NELFCD: variants seen among roughly 807,000 people sequenced by gnomAD.
The protein encoded by NELFCD is negative elongation factor complex member C/D.
A neutral mutation model predicts 72.9 loss-of-function variants in NELFCD; 48 were observed. The observed-to-expected ratio is 0.66, with a 90% confidence interval of 0.52 to 0.84. The LOEUF (loss-of-function observed/expected upper bound fraction) is 0.84. NELFCD is among the 40% of genes least tolerant of loss of function. The pLI is 0.00. For missense variants in NELFCD, 538 were observed against 723.8 expected (o/e 0.74, Z 2.94); for synonymous variants, 297 against 280.6 (o/e 1.06, Z -0.59).
chr20:58,982,092 CCT>C (rs957407579), intron 1 of NELFCD, among the ~76,000 whole-genome samples: 4 of 151,538 alleles, frequency 2.6e-5, no homozygotes, highest in African/African-American at 7.3e-5. Context: ...ACGTCCCTCC[CCT>C]GGAGACGGCC....
At position 58,987,748 on chromosome 20, in the gene NELFCD, C is replaced by T. The variant is rs1364518582; in HGVS notation, c.327C>T (p.His109=). The T allele has an allele frequency of 1.9e-6, 3 of 1,614,212 alleles. No homozygotes were observed. The South Asian group carries it at 3.3e-5, about 18-fold the overall frequency. ...PVQVQETVEN[H]LKSLLIKHFD... ...AGGTTCAGGAAACTGTGGAAAATCA[C>T]TTGAAGAGTTTGCTGATCAAACATT... Residue 109 remains histidine, a synonymous_variant, in exon 4 of 15, where the codon CAC becomes CAT. Coordinates refer to ENST00000652272, the MANE Select transcript of NELFCD (RefSeq NM_198976.4).
intron 10 of NELFCD, among the ~76,000 whole-genome samples, 193 bp downstream of exon 10, chr20:58,992,213 C>T (rs2091822604): frequency 6.6e-6 from 1 of 151,982 alleles, no homozygotes; most frequent in Admixed American, 6.6e-5. Flanking sequence ...GTTTATTTGC[C>T]AGAAGTCTGT....
rs760363849 is a variant in NELFCD at position 58,981,359 on chromosome 20, A to C, written c.50A>C (p.Asp17Ala). 9.0e-7 allele frequency: 1 copy of C among 1,107,182 alleles called. No homozygotes were observed. The highest frequency in any genetic ancestry group is 1.1e-6 in the Non-Finnish European group (1 of 904,366). 68.6% of individuals were successfully genotyped at this position (1,107,182 alleles called of 1,614,324 possible). A position where few individuals can be genotyped will look rare whatever the true frequency, so the allele number is the denominator to read the frequency against. ...GSAAEWGDEADGGQQEDDSGE... is the reference protein window; with the variant it reads ...GSAAEWGDEAAGGQQEDDSGE... ...GCGGCCGAGTGGGGCGACGAGGCTG[A>C]CGGCGGCCAGGTGAGGCGGGGCACT... is the stretch of plus-strand genomic sequence containing the variant. The change falls in exon 1 of 15, where the codon GAC becomes GCC. Residue 17 changes from aspartate (D) to alanine (A), a missense_variant. Transcript: ENST00000652272.
intron 1 of NELFCD, among the ~76,000 whole-genome samples, chr20:58,982,396 G>C (rs999759500): frequency 6.6e-6 from 1 of 152,024 alleles, no homozygotes; most frequent in Admixed American, 6.6e-5. Context: ...GACCTCAGGT[G>C]ATCCACCCAC....
Position 58,991,873 on chromosome 20 carries a change from G to T in NELFCD, c.1090-8G>T. On this transcript the variant is annotated splice_region_variant and splice_polypyrimidine_tract_variant and intron_variant, in intron 9 of 14. Transcript: ENST00000652272. ...GTCAGGCTCACCAGCTTGTGTGTGT[G>T]TTTTCAGAACAAGCGAGTGAGCATC... 3.7e-6 allele frequency: 6 copies of T among 1,613,646 alleles called. No homozygotes were observed. Among genetic ancestry groups the T allele is most frequent in the Non-Finnish European group, 5.1e-6 (6 of 1,179,630 alleles).
rs73297217 is a variant in NELFCD, at chr20:58,991,725, T to C, written c.1090-156T>C. On this transcript the variant is annotated intron_variant, in intron 9 of 14. Transcript: ENST00000652272. Reference sequence around the variant, plus strand: ...ACTAGTCTCATTGCTTTTCAGTTTCTGTACACTGTGTGACTGTGAAGTTTG... The same window carrying C: ...ACTAGTCTCATTGCTTTTCAGTTTCCGTACACTGTGTGACTGTGAAGTTTG... 6.5e-3 allele frequency: 5,532 copies of C among 849,502 alleles called. 184 individuals carry two copies. In the African/African-American group the frequency reaches 0.078, roughly 12 times the overall value. 52.6% of individuals were successfully genotyped at this position (849,502 alleles called of 1,614,324 possible).
At position 58,986,208 on chromosome 20, in the gene NELFCD, G is replaced by A. The variant is rs566554225; in HGVS notation, c.176G>A (p.Arg59Lys). 2.1e-4 allele frequency: 333 copies of A among 1,582,346 alleles called. No individual in the cohort carries two copies. In the Middle Eastern group the frequency reaches 2.2e-3, roughly 10 times the overall value. The change falls in exon 2 of 15, where the codon AGG (arginine) becomes AAG (lysine). Residue 59 changes from arginine to lysine, a missense_variant and splice_region_variant. Arg to Lys is a conservative substitution (Grantham distance 26). This residue lies in a region of NELFCD where 355 missense variants were observed against 534.5 expected (regional missense o/e 0.66). Transcript: ENST00000652272. The surrounding 1 kb of genome is among the most constrained non-coding windows in gnomAD (Gnocchi z 4.4). ...MEPSIFNTLK[R>K]YFQAGGSPEN... is the part of the protein sequence containing the mutation. Reference sequence around the variant, plus strand: ...CCCTCCATCTTCAACACTCTGAAGAGGTATGTGAGAAAGGTGTCTGTATTG... The same window carrying A: ...CCCTCCATCTTCAACACTCTGAAGAAGTATGTGAGAAAGGTGTCTGTATTG...
In NELFCD at chr20:58,986,404, C is replaced by T. The variant is rs572594802; in HGVS notation, c.176+196C>T. ...AGAGTCTTGCTCTGTTGCAGTGGCA[C>T]AATCACCGCTCACTGCAGCTTCAGC... On this transcript the variant is annotated intron_variant, in intron 2 of 14. Transcript: ENST00000652272. The surrounding 1 kb of genome is among the most constrained non-coding windows in gnomAD (Gnocchi z 4.4). 5 of 566,836 alleles carry T rather than the reference C, an allele frequency of 8.8e-6. No homozygotes were observed. In the East Asian group the frequency reaches 1.5e-4, roughly 17 times the overall value. The allele number at this position is 566,836 out of a possible 1,614,324, so 35.1% of individuals were successfully genotyped here.
In NELFCD at chr20:58,993,195, G is replaced by C; in HGVS notation, c.1344+83G>C. On this transcript the variant is annotated intron_variant, in intron 11 of 14. Transcript: ENST00000652272. This position sits in a 1 kb window ranked among gnomAD's most constrained non-coding sequence, Gnocchi z 5.0. ...TTGGCATTAACATTGCATCTATTCA[G>C]TGAGTTTAGAGGATACTCTTCTCAA... 9.2e-7 allele frequency: 1 copy of C among 1,083,234 alleles called. No individual in the cohort carries two copies. Among genetic ancestry groups the C allele is most frequent in the East Asian group, 2.4e-5 (1 of 42,168 alleles). The allele number at this position is 1,083,234 out of a possible 1,614,324, so 67.1% of individuals were successfully genotyped here. A position where few individuals can be genotyped will look rare whatever the true frequency, so the allele number is the denominator to read the frequency against.
At chr20:58,983,095 GT>G (rs2091747828) in intron 1 of NELFCD, among the ~76,000 whole-genome samples, 1 of 150,830 alleles carries the variant, frequency 6.6e-6, no homozygotes, top group South Asian at 2.1e-4. Flanking sequence ...TTAGTGGTAG[GT>G]TGGTGTTTGG....
chr20:58,984,274 C>T (rs1199690281), intron 1 of NELFCD, among the ~76,000 whole-genome samples: 1 of 151,930 alleles, frequency 6.6e-6, no homozygotes, highest in Non-Finnish European at 1.5e-5. Context: ...AGAGCTGGGG[C>T]GTTTTTTCCT....
At chr20:58,994,390 C>CCCAT (rs1327954954) in intron 14 of NELFCD, 151 bp downstream of exon 14, 1 of 782,128 alleles carries the variant, frequency 1.3e-6, no homozygotes, top group Admixed American at 2.7e-5. Flanking sequence ...ATGGAGAAAC[C>CCCAT]CCATCTCTAC....
chr20:58,993,423 C>T lies in NELFCD; in HGVS notation c.1345-26C>T, dbSNP rs769169285. The T allele has an allele frequency of 4.4e-6, 7 of 1,607,936 alleles. No individual in the cohort carries two copies. The highest frequency in any genetic ancestry group is 5.1e-6 in the Non-Finnish European group (6 of 1,176,316). On this transcript the variant is annotated intron_variant, in intron 11 of 14. Transcript: ENST00000652272. This position sits in a 1 kb window ranked among gnomAD's most constrained non-coding sequence, Gnocchi z 5.0. ...TGCTGAGCGTGACCACACTGCTCAG[C>T]GAAGCTCCCTCTGGCCTGTTTGTAG...
chr20:58,981,724 T>A (rs1378934322), intron 1 of NELFCD, among the ~76,000 whole-genome samples: 1 of 151,692 alleles, frequency 6.6e-6, no homozygotes, highest in Non-Finnish European at 1.5e-5. Flanking sequence ...ACACCAACGC[T>A]AAGGTGGAGG....
chr20:58,981,544 C>T (rs1369505042), intron 1 of NELFCD, among the ~76,000 whole-genome samples, 175 bp downstream of exon 1: 1 of 146,520 alleles, frequency 6.8e-6, no homozygotes, highest in Non-Finnish European at 1.5e-5. Flanking sequence ...CCGCCCCCGC[C>T]CGCCCGGGGT....
chr20:58,989,749 C>T (rs766978761), intron 6 of NELFCD, 109 bp downstream of exon 6: 76 of 1,605,996 alleles, frequency 4.7e-5, no homozygotes, highest in Non-Finnish European at 6.2e-5. Context: ...CTGAGGGCAC[C>T]TTCCAGGATG....
At chr20:58,992,095 CAAAT>C in intron 10 of NELFCD, 75 bp downstream of exon 10, 1 of 1,434,286 alleles carries the variant, frequency 7.0e-7, no homozygotes, top group South Asian at 1.3e-5. Flanking sequence ...ATTGAAAGCT[CAAAT>C]AACAAAAGCT....
At chr20:58,989,671 G>T in intron 6 of NELFCD, 31 bp downstream of exon 6, 2 of 1,614,062 alleles carry the variant, frequency 1.2e-6, no homozygotes, top group Non-Finnish European at 1.7e-6. Context: ...CCTCAGATTA[G>T]AAGGAGGCTG....
Position 58,986,073 on chromosome 20 carries a change from C to T in NELFCD, c.61-20C>T, listed in dbSNP as rs369287513. On this transcript the variant is annotated intron_variant, in intron 1 of 14. Transcript: ENST00000652272. This position sits in a 1 kb window ranked among gnomAD's most constrained non-coding sequence, Gnocchi z 4.4. ...TGTATTAATGAAAAAAATATCCTGGCTCTTCGCATTTACCAACAGCAGGAG... is the reference window on the plus strand; with the variant it reads ...TGTATTAATGAAAAAAATATCCTGGTTCTTCGCATTTACCAACAGCAGGAG... The T allele has an allele frequency of 3.8e-4, 589 of 1,530,302 alleles. No individual in the cohort carries two copies. Among genetic ancestry groups the T allele is most frequent in the Non-Finnish European group, 5.2e-4 (570 of 1,103,612 alleles). The allele number at this position is 1,530,302 out of a possible 1,614,324, so 94.8% of individuals were successfully genotyped here.
Sources: allele counts gnomAD v4.1 joint callset (sites outside exome capture counted in the v4.1 genomes callset), GRCh38; gene constraint gnomAD v4.1.1; regional missense constraint gnomAD v4.1.1; non-coding constraint Gnocchi (gnomAD v3.1); transcripts MANE v1.5; gene names NCBI Gene and HGNC (gene_info 2026-07-23, HGNC 2026-07-21).